The following FAM53B variants were observed in gnomAD, a reference collection of about 807,000 sequenced individuals.
FAM53B encodes the protein protein FAM53B.
A neutral mutation model predicts 32.7 loss-of-function variants in FAM53B; 12 were observed. That is an observed-to-expected ratio of 0.37 (90% CI 0.24 to 0.59). The LOEUF (loss-of-function observed/expected upper bound fraction) is 0.59. Ranked by LOEUF, FAM53B falls within the 20% of genes least tolerant of loss-of-function variation. FAM53B has a pLI of 0.72. For synonymous variants in FAM53B, 234 were observed against 228.7 expected (o/e 1.02, Z -0.21); for missense variants, 477 against 577.7 (o/e 0.83, Z 1.79).
chr10:124,662,141 G>A (rs1949635119), intron 4 of FAM53B, among the ~76,000 whole-genome samples: 1 of 152,260 alleles, frequency 6.6e-6, no homozygotes. Context: ...CCTGGGGAGT[G>A]GAACAAGCAT....
intron 4 of FAM53B, among the ~76,000 whole-genome samples, chr10:124,661,370 G>A (rs1949630202): frequency 6.6e-6 from 1 of 152,158 alleles, no homozygotes; most frequent in African/African-American, 2.4e-5. Flanking sequence ...GTTGAGAGAG[G>A]CCCAGGAGCA....
chr10:124,714,312 C>A (rs1950024906), intron 1 of FAM53B: 1 of 152,100 alleles, frequency 6.6e-6, no homozygotes, highest in South Asian at 2.1e-4. Context: ...TCTGGTGTTT[C>A]AACCAGAGTT....
At chr10:124,722,328 T>A (rs923145363) in intron 1 of FAM53B, among the ~76,000 whole-genome samples, 3 of 152,288 alleles carry the variant, frequency 2.0e-5, no homozygotes, top group South Asian at 2.1e-4. Context: ...ATTTAAATTT[T>A]AATTTTAAAA....
chr10:124,690,624 A>ACATCTACT (rs1159935111), intron 3 of FAM53B, among the ~76,000 whole-genome samples: 1 of 152,246 alleles, frequency 6.6e-6, no homozygotes, highest in African/African-American at 2.4e-5. Flanking sequence ...ACCACATTTT[A>ACATCTACT]CATCTACTTC....
chr10:124,735,299 AGG>A (rs1188536270), intron 1 of FAM53B, among the ~76,000 whole-genome samples: 1 of 152,224 alleles, frequency 6.6e-6, no homozygotes, highest in Non-Finnish European at 1.5e-5. Flanking sequence ...CAAGACGGTG[AGG>A]CCACATCATG....
At chr10:124,739,184 C>A (rs545347710) in intron 1 of FAM53B, among the ~76,000 whole-genome samples, 9 of 152,236 alleles carry the variant, frequency 5.9e-5, no homozygotes, top group Non-Finnish European at 1.3e-4. Context: ...AAACAGAACC[C>A]AGTGCCTCTA....
At chr10:124,627,718 A>T (rs1348861830) in intron 4 of FAM53B, among the ~76,000 whole-genome samples, 1 of 152,128 alleles carries the variant, frequency 6.6e-6, no homozygotes, top group Non-Finnish European at 1.5e-5. Flanking sequence ...TGCCTTTTCC[A>T]TCAGACCCCC....
intron 2 of FAM53B, among the ~76,000 whole-genome samples, chr10:124,706,067 T>C (rs1321202745): frequency 1.3e-5 from 2 of 152,238 alleles, no homozygotes; most frequent in Non-Finnish European, 2.9e-5. Context: ...GTTCAGCTAC[T>C]GGAGGTTGTT....
intron 4 of FAM53B, among the ~76,000 whole-genome samples, chr10:124,624,679 G>A (rs1268187174): frequency 6.6e-6 from 1 of 152,194 alleles, no homozygotes; most frequent in African/African-American, 2.4e-5. Flanking sequence ...AGGATTTCAA[G>A]GGTACGCAGG....
intron 2 of FAM53B, 149 bp downstream of exon 2, chr10:124,706,487 T>C: frequency 2.3e-6 from 2 of 881,838 alleles, no homozygotes; most frequent in Non-Finnish European, 3.6e-6. Flanking sequence ...TCCTGTGCCC[T>C]GTTGCCCCAG....
intron 4 of FAM53B, 78 bp downstream of exon 4, chr10:124,681,529 A>C: frequency 7.7e-7 from 1 of 1,304,506 alleles, no homozygotes; most frequent in Middle Eastern, 2.8e-4. Context: ...CTGGCAATCT[A>C]TGCTTGTCTA....
chr10:124,690,020 T>G (rs1949824026), intron 3 of FAM53B, among the ~76,000 whole-genome samples: 1 of 152,192 alleles, frequency 6.6e-6, no homozygotes, highest in Admixed American at 6.5e-5. Context: ...TTGGTCCATC[T>G]CCTCTGGATT....
intron 4 of FAM53B, among the ~76,000 whole-genome samples, chr10:124,663,360 G>A (rs997969194): frequency 4.6e-5 from 7 of 152,322 alleles, no homozygotes; most frequent in South Asian, 2.1e-4. Flanking sequence ...GAGACAATGC[G>A]AGCAGGAGAC....
At chr10:124,661,073 A>C (rs1357765894) in intron 4 of FAM53B, among the ~76,000 whole-genome samples, 6 of 151,772 alleles carry the variant, frequency 4.0e-5, no homozygotes, top group African/African-American at 4.8e-5. Context: ...AAAAAAAAAA[A>C]AAAACAGGCA....
At chr10:124,737,161 G>A (rs911238405) in intron 1 of FAM53B, among the ~76,000 whole-genome samples, 9 of 152,178 alleles carry the variant, frequency 5.9e-5, no homozygotes, top group African/African-American at 2.2e-4. Context: ...TCCAATCAAT[G>A]TCTGCTAAAT....
chr10:124,657,058 A>G (rs560236094), intron 4 of FAM53B, among the ~76,000 whole-genome samples: 1 of 78,264 alleles, frequency 1.3e-5, no homozygotes, highest in Non-Finnish European at 3.1e-5. Flanking sequence ...ATATGTATAT[A>G]TGTATATATA....
chr10:124,623,257 C>T lies in FAM53B; in HGVS notation c.1254G>A (p.Gln418=). The change falls in exon 5 of 5, where the codon CAG becomes CAA. Residue 418 remains glutamine, a synonymous_variant. Transcript: ENST00000337318. ...CCACACCCCCTCAGTTCTTCTCTAT[C>T]TGCTCAATGTCCAACTCGCCGTCCA... ...CSLDGELDIE[Q]IEKN 4 of 1,604,276 alleles carry T rather than the reference C, an allele frequency of 2.5e-6. No individual in the cohort carries two copies. Among genetic ancestry groups the T allele is most frequent in the Non-Finnish European group, 3.4e-6 (4 of 1,175,278 alleles).
intron 2 of FAM53B, among the ~76,000 whole-genome samples, chr10:124,697,223 G>A (rs917285295): frequency 7.2e-5 from 11 of 152,246 alleles, no homozygotes; most frequent in African/African-American, 2.6e-4. Flanking sequence ...CTGTGCTGGG[G>A]GTTGATCATG....
intron 4 of FAM53B, among the ~76,000 whole-genome samples, chr10:124,657,060 G>T (rs923545419): frequency 1.3e-5 from 1 of 77,416 alleles, no homozygotes; most frequent in Non-Finnish European, 3.1e-5. Flanking sequence ...ATGTATATAT[G>T]TATATATATA....
Sources: allele counts gnomAD v4.1 joint callset (sites outside exome capture counted in the v4.1 genomes callset), GRCh38; gene constraint gnomAD v4.1.1; transcripts MANE v1.5; gene names NCBI Gene and HGNC (gene_info 2026-07-23, HGNC 2026-07-21).